The following FRMD6 variants were observed in gnomAD, a reference collection of about 807,000 sequenced individuals.
FRMD6 encodes FERM domain containing 6, also known as FERM domain-containing protein 6.
Under a neutral mutation model 73.2 loss-of-function variants are expected in FRMD6, and 37 were observed. The ratio of observed to expected loss-of-function variants is 0.51; its 90% CI spans 0.39 to 0.66. The LOEUF (loss-of-function observed/expected upper bound fraction) is 0.66. FRMD6 is among the 30% of genes least tolerant of loss of function. The pLI is 0.00. For synonymous variants in FRMD6, 273 were observed against 282.2 expected, an observed-to-expected ratio of 0.97 and a Z score of 0.33; for missense variants, 714 against 780.5, an observed-to-expected ratio of 0.91 and a Z score of 1.02.
At chr14:51,399,200 C>T in the FRMD6 span, among the ~76,000 whole-genome samples, 1 of 152,170 alleles carries the variant, frequency 6.6e-6, no homozygotes, top group Non-Finnish European at 1.5e-5. Flanking sequence ...CCCTCTTCTG[C>T]CTTCCTTAAA....
At chr14:51,487,452 C>T (rs573506982), upstream of FRMD6, among the ~76,000 whole-genome samples, 1 of 152,246 alleles carries the variant, frequency 6.6e-6, no homozygotes, top group East Asian at 1.9e-4. Flanking sequence ...ATACAGATCA[C>T]TTGGGGGATC....
At position 51,560,586 on chromosome 14, in the gene FRMD6, G is replaced by A. The variant is rs187653420; in HGVS notation, c.-209-9762G>A. On this transcript the variant is annotated intron_variant, in intron 1 of 14. Coordinates refer to the FRMD6 transcript ENST00000356218. ...TGCAATCTCTGCCTCCTGGGTTCGA[G>A]TGATTCTCTTGCCTCAGCCTCCCAA... Among the ~76,000 whole-genome samples the A allele has an allele frequency of 3.0e-4, 45 of 152,322 alleles. No individual in the cohort carries two copies. The East Asian group carries it at 6.8e-3, about 23-fold the overall frequency.
the FRMD6 span, among the ~76,000 whole-genome samples, chr14:51,432,974 C>A: frequency 1.3e-5 from 2 of 152,196 alleles, no homozygotes; most frequent in African/African-American, 4.8e-5. Context: ...AACTTGTTCA[C>A]ACTCACTCAT....
chr14:51,574,641 A>G (rs1888309738), intron 2 of FRMD6, among the ~76,000 whole-genome samples: 1 of 151,904 alleles, frequency 6.6e-6, no homozygotes, highest in Non-Finnish European at 1.5e-5. Context: ...ATGGGTATAG[A>G]GAGTAGAATG....
intron 1 of FRMD6, among the ~76,000 whole-genome samples, chr14:51,672,031 A>G (rs975323900): frequency 8.5e-5 from 13 of 152,236 alleles, no homozygotes; most frequent in African/African-American, 1.2e-4. Context: ...TTTTAAAGAA[A>G]TGGGATTAAG....
intron 2 of FRMD6, among the ~76,000 whole-genome samples, chr14:51,610,337 T>TAAA (rs540289033): frequency 3.7e-4 from 53 of 144,968 alleles, no homozygotes; most frequent in Non-Finnish European, 6.4e-4. Context: ...CCCTTTTTTT[T>TAAA]TAAAAAAAAA....
chr14:51,606,148 A>C (rs1382046353), intron 2 of FRMD6, among the ~76,000 whole-genome samples: 2 of 152,160 alleles, frequency 1.3e-5, no homozygotes, highest in African/African-American at 4.8e-5. Context: ...CAAGAATGTG[A>C]CATCAAGTCT....
chr14:51,468,306 G>C, the FRMD6 span, among the ~76,000 whole-genome samples: 1 of 146,676 alleles, frequency 6.8e-6, no homozygotes, highest in East Asian at 2.0e-4. Flanking sequence ...GATGGGAGAG[G>C]GGGAGGGGGA....
chr14:51,510,112 G>A (rs959412878), intron 1 of FRMD6, among the ~76,000 whole-genome samples: 3 of 152,180 alleles, frequency 2.0e-5, no homozygotes, highest in African/African-American at 4.8e-5. Flanking sequence ...CATCCATCTT[G>A]TTGCCATGGA....
the FRMD6 span, among the ~76,000 whole-genome samples, chr14:51,414,747 T>G: frequency 6.6e-6 from 1 of 152,160 alleles, no homozygotes; most frequent in Admixed American, 6.5e-5. Context: ...ACCTTGGGCA[T>G]TATGGCCATT....
At chr14:51,485,110 G>C (rs967059131), upstream of FRMD6, among the ~76,000 whole-genome samples, 1 of 152,222 alleles carries the variant, frequency 6.6e-6, no homozygotes, top group Non-Finnish European at 1.5e-5. Context: ...GCTCAAAAGT[G>C]TCTGTGGACA....
chr14:51,445,111 T>C, the FRMD6 span, among the ~76,000 whole-genome samples: 1 of 152,164 alleles, frequency 6.6e-6, no homozygotes, highest in Non-Finnish European at 1.5e-5. Flanking sequence ...CCTCAGTGAA[T>C]CTTGGCATAG....
At chr14:51,631,078 G>C (rs1891318381) in intron 2 of FRMD6, among the ~76,000 whole-genome samples, 1 of 151,948 alleles carries the variant, frequency 6.6e-6, no homozygotes, top group Non-Finnish European at 1.5e-5. Context: ...TGCCCAGATA[G>C]TGCAGAGAAA....
the FRMD6 span, among the ~76,000 whole-genome samples, chr14:51,464,396 G>GA: frequency 3.3e-4 from 48 of 146,634 alleles, 1 homozygote; most frequent in Middle Eastern, 7.2e-3. Flanking sequence ...AAAGGTGAAG[G>GA]AAAAAAAAAA....
At chr14:51,546,518 AT>A (rs1157041114) in intron 1 of FRMD6, 1 of 139,948 alleles carries the variant, frequency 7.1e-6, no homozygotes, top group African/African-American at 2.6e-5. Flanking sequence ...AAGGTAATTT[AT>A]TTAAAAAAAA....
At position 51,720,355 on chromosome 14, in the gene FRMD6, G is replaced by T; in HGVS notation, c.1325G>T (p.Gly442Val). ...SSHTSGVESG[G>V]KDRLEEDLQD... ...CACACCTCAGGGGTGGAGAGTGGCGGCAAAGACCGGCTGGAAGAGGACTTA... is the reference window on the plus strand; with the variant it reads ...CACACCTCAGGGGTGGAGAGTGGCGTCAAAGACCGGCTGGAAGAGGACTTA... Residue 442 changes from glycine to valine, a missense_variant, in exon 11 of 14, where the codon GGC (glycine) becomes GTC (valine). Gly to Val is a moderately radical substitution (Grantham distance 109, BLOSUM62 -3). Transcript: ENST00000344768. 2.5e-6 allele frequency: 4 copies of T among 1,613,752 alleles called. No homozygotes were observed. Among genetic ancestry groups the T allele is most frequent in the Non-Finnish European group, 3.4e-6 (4 of 1,180,030 alleles).
intron 2 of FRMD6, among the ~76,000 whole-genome samples, chr14:51,621,889 A>G (rs992953385): frequency 1.3e-5 from 2 of 152,246 alleles, no homozygotes; most frequent in Admixed American, 1.3e-4. Flanking sequence ...GTGTGGTCAC[A>G]GAGGGGACCA....
rs557059349 is a variant in FRMD6 at position 51,532,165 on chromosome 14, G to A, written c.-209-38183G>A. Among the ~76,000 whole-genome samples, 20 of 152,076 alleles carry A rather than the reference G, an allele frequency of 1.3e-4. No homozygotes were observed. In the South Asian group the frequency reaches 3.7e-3, roughly 28 times the overall value. ...GGGCGGATCACGAGGTCAGAAGATC[G>A]AGACCATCCTGGCTAACATGGTGAA... On this transcript the variant is annotated intron_variant, in intron 1 of 14. Transcript: ENST00000356218.
intron 2 of FRMD6, among the ~76,000 whole-genome samples, chr14:51,580,315 C>T (rs1888649155): frequency 6.6e-6 from 1 of 152,196 alleles, no homozygotes; most frequent in Non-Finnish European, 1.5e-5. Context: ...CCAGCAGGCT[C>T]AACCTGGAAG....
Sources: gnomAD v4.1 joint callset for allele counts (sites outside exome capture counted in the v4.1 genomes callset) on GRCh38, gnomAD v4.1.1 for gene constraint, MANE v1.5 for transcripts, NCBI Gene and HGNC (gene_info 2026-07-23, HGNC 2026-07-21) for gene names.